CDH13: variants seen among roughly 807,000 people sequenced by gnomAD.
The protein encoded by CDH13 is cadherin 13, also known as cadherin-13.
CDH13 carries 24 observed loss-of-function variants against 63.8 expected under a neutral mutation model. The observed-to-expected ratio is 0.38, with a 90% CI of 0.27 to 0.53. The LOEUF (loss-of-function observed/expected upper bound fraction) is 0.53. CDH13 is among the 20% of genes least tolerant of loss of function. CDH13 has a pLI of 0.85. For missense variants in CDH13, 1,049 were observed against 903.1 expected (o/e 1.16, Z -2.07); for synonymous variants, 503 against 355.3 (o/e 1.42, Z -4.67).
intron 5 of CDH13, 32 bp downstream of exon 5, chr16:83,217,529 C>A: frequency 6.3e-7 from 1 of 1,594,286 alleles, no homozygotes; most frequent in Non-Finnish European, 8.6e-7. Context: ...CCACCCTGTG[C>A]GCAGAAATGT....
At chr16:83,708,007 T>C (rs1907394253) in intron 10 of CDH13, among the ~76,000 whole-genome samples, 1 of 152,120 alleles carries the variant, frequency 6.6e-6, no homozygotes. Context: ...ATGACCATTA[T>C]TCCCAAGCAA....
At chr16:83,780,229 A>G (rs1225793912) in intron 12 of CDH13, 28 bp downstream of exon 12, 6 of 1,406,382 alleles carry the variant, frequency 4.3e-6, no homozygotes, top group African/African-American at 1.4e-5. Context: ...ATTTCTGCCT[A>G]TTCTTCCAGC....
intron 4 of CDH13, among the ~76,000 whole-genome samples, chr16:83,143,814 T>G (rs575368482): frequency 6.6e-6 from 1 of 152,166 alleles, no homozygotes; most frequent in South Asian, 2.1e-4. Flanking sequence ...CTACTCCTCT[T>G]TGCCGTTCCT....
chr16:83,580,960 T>TA (rs1905540549), intron 7 of CDH13, among the ~76,000 whole-genome samples: 1 of 152,178 alleles, frequency 6.6e-6, no homozygotes, highest in Non-Finnish European at 1.5e-5. Context: ...AGATCTCTAT[T>TA]TGTGGGAGTT....
At chr16:83,151,641 A>T (rs907234689) in intron 4 of CDH13, among the ~76,000 whole-genome samples, 10 of 152,202 alleles carry the variant, frequency 6.6e-5, no homozygotes, top group South Asian at 2.1e-4. Context: ...TTAAAAAAAA[A>T]TAAAAGCCCA....
intron 1 of CDH13, among the ~76,000 whole-genome samples, chr16:82,756,333 G>A (rs2034610153): frequency 6.6e-6 from 1 of 152,152 alleles, no homozygotes; most frequent in Non-Finnish European, 1.5e-5. Flanking sequence ...GAAGTCATGA[G>A]TCATTAGTCT....
chr16:83,072,532 T>TAG (rs767120861), intron 3 of CDH13, among the ~76,000 whole-genome samples: 2 of 152,284 alleles, frequency 1.3e-5, no homozygotes, highest in South Asian at 2.1e-4. Context: ...TGTCAAAAGC[T>TAG]AGAGATGTTT....
At chr16:83,014,760 A>ATATATATATGTATATATATATATATTTG (rs1914543249) in intron 2 of CDH13, among the ~76,000 whole-genome samples, 1 of 55,096 alleles carries the variant, frequency 1.8e-5, no homozygotes, top group African/African-American at 6.4e-5. Flanking sequence ...ATATATATAT[A>ATATATATATGTATATATATATATATTTG]TATATATATA....
chr16:83,634,086 C>G (rs1360918220), intron 8 of CDH13, among the ~76,000 whole-genome samples: 2 of 151,466 alleles, frequency 1.3e-5, no homozygotes, highest in African/African-American at 4.9e-5. Flanking sequence ...AACCAGACCT[C>G]ACGAAGTCTC....
intron 7 of CDH13, among the ~76,000 whole-genome samples, chr16:83,503,812 A>G (rs1015778256): frequency 1.3e-5 from 2 of 152,040 alleles, no homozygotes; most frequent in Non-Finnish European, 2.9e-5. Context: ...AGATGGGTAG[A>G]TTGCAAAAAT....
intron 10 of CDH13, among the ~76,000 whole-genome samples, chr16:83,745,222 C>T (rs573268244): frequency 3.9e-5 from 6 of 152,274 alleles, no homozygotes; most frequent in Admixed American, 2.0e-4. Context: ...TAGGAAAGAA[C>T]AGGCCAGACG....
intron 3 of CDH13, among the ~76,000 whole-genome samples, chr16:83,036,636 T>G (rs1317766044): frequency 6.6e-6 from 1 of 152,136 alleles, no homozygotes; most frequent in Non-Finnish European, 1.5e-5. Flanking sequence ...CTGAACCTGA[T>G]AGAACACTCC....
At position 83,797,407 on chromosome 16, in the gene CDH13, C is replaced by T. The variant is rs2151025861; in HGVS notation, c.*2377C>T. 6.6e-6 allele frequency: 1 copy of T among 152,310 alleles called. No homozygotes were observed. The highest frequency in any genetic ancestry group is 2.1e-4 in the South Asian group (1 of 4,830). The allele number at this position is 152,310 out of a possible 1,614,324, so 9.4% of individuals were successfully genotyped here. The stretch of plus-strand genomic sequence containing the variant: ...AATTCAGAAAAATAGGAGTAAAGTG[C>T]ACACTTCATTAATAAATAGAATATG... On this transcript the variant is annotated 3_prime_UTR_variant, in exon 14 of 14. Transcript: ENST00000567109.
intron 4 of CDH13, among the ~76,000 whole-genome samples, chr16:83,179,061 C>G (rs1033830305): frequency 3.9e-5 from 6 of 152,108 alleles, no homozygotes; most frequent in Admixed American, 2.6e-4. Flanking sequence ...AATGCGCCAC[C>G]CTATTGGCAA....
intron 5 of CDH13, among the ~76,000 whole-genome samples, chr16:83,281,945 G>C (rs2089188474): frequency 6.6e-6 from 1 of 152,102 alleles, no homozygotes; most frequent in East Asian, 1.9e-4. Context: ...TTTAGGGAAA[G>C]CTTAATCAGT....
intron 3 of CDH13, among the ~76,000 whole-genome samples, chr16:83,061,988 G>C (rs546511971): frequency 2.0e-5 from 3 of 152,320 alleles, no homozygotes; most frequent in Admixed American, 6.5e-5. Flanking sequence ...GCTGGGCAGG[G>C]TGACAATTTA....
chr16:82,703,133 C>G (rs549615471), intron 1 of CDH13, among the ~76,000 whole-genome samples: 4 of 152,026 alleles, frequency 2.6e-5, no homozygotes, highest in African/African-American at 9.6e-5. Flanking sequence ...CTTATATATT[C>G]AGATATTTGT....
intron 11 of CDH13, among the ~76,000 whole-genome samples, chr16:83,755,987 G>A (rs1913477934): frequency 6.6e-6 from 1 of 152,176 alleles, no homozygotes. Context: ...GAAAAAGTGA[G>A]AGGCTATAAA....
At chr16:83,327,234 C>T (rs975518751) in intron 5 of CDH13, among the ~76,000 whole-genome samples, 8 of 152,182 alleles carry the variant, frequency 5.3e-5, no homozygotes, top group African/African-American at 1.9e-4. Context: ...CAGTCACTGC[C>T]ACACAATGAA....
Sources: gnomAD v4.1 joint callset for allele counts (sites outside exome capture counted in the v4.1 genomes callset) on GRCh38, gnomAD v4.1.1 for gene constraint, MANE v1.5 for transcripts, NCBI Gene and HGNC (gene_info 2026-07-23, HGNC 2026-07-21) for gene names.